The following RGL1 variants were observed in gnomAD, a reference collection of about 807,000 sequenced individuals.
The protein encoded by RGL1 is ral guanine nucleotide dissociation stimulator-like 1.
Under a neutral mutation model 95.2 loss-of-function variants are expected in RGL1, and 24 were observed. The ratio of observed to expected loss-of-function variants is 0.25; its 90% confidence interval spans 0.18 to 0.35. The LOEUF (loss-of-function observed/expected upper bound fraction) is 0.35. RGL1 is among the 10% of genes least tolerant of loss of function. The pLI, the probability that RGL1 is intolerant of heterozygous loss-of-function variation, is 1.00. For missense variants in RGL1, 715 were observed against 936.3 expected, an observed-to-expected ratio of 0.76 and a Z score of 3.08; for synonymous variants, 329 against 344.9, an observed-to-expected ratio of 0.95 and a Z score of 0.51.
intron 2 of RGL1, among the ~76,000 whole-genome samples, chr1:183,757,845 T>C (rs1306230069): frequency 6.6e-6 from 1 of 152,230 alleles, no homozygotes; most frequent in African/African-American, 2.4e-5. Context: ...AATTCATTTG[T>C]CTCTCATTTG....
chr1:183,871,136 C>T (rs1052514319), intron 4 of RGL1, among the ~76,000 whole-genome samples: 2 of 152,222 alleles, frequency 1.3e-5, no homozygotes, highest in African/African-American at 4.8e-5. Flanking sequence ...GAGATATGGT[C>T]CACACAGCAT....
intron 2 of RGL1, chr1:183,754,954 A>T (rs1658240375): frequency 6.6e-6 from 1 of 152,080 alleles, no homozygotes; most frequent in Non-Finnish European, 1.5e-5. Flanking sequence ...CCAGCCTGTC[A>T]TGTATTAAAA....
chr1:183,827,561 G>A (rs1027692927), intron 2 of RGL1, among the ~76,000 whole-genome samples: 3 of 152,152 alleles, frequency 2.0e-5, no homozygotes, highest in Admixed American at 6.5e-5. Flanking sequence ...GATGCCTGTC[G>A]AATTGCATAA....
At chr1:183,656,206 C>A (rs899304690) in intron 1 of RGL1, among the ~76,000 whole-genome samples, 3 of 151,374 alleles carry the variant, frequency 2.0e-5, no homozygotes, top group Non-Finnish European at 4.4e-5. Context: ...AATCCATGTT[C>A]CCACCTTAAA....
intron 1 of RGL1, among the ~76,000 whole-genome samples, chr1:183,697,606 G>C (rs991015765): frequency 1.6e-4 from 25 of 152,158 alleles, no homozygotes; most frequent in South Asian, 6.2e-4. Flanking sequence ...TTAAATGCAC[G>C]TTGTAACATC....
intron 2 of RGL1, among the ~76,000 whole-genome samples, chr1:183,836,284 C>G (rs1375398227): frequency 6.6e-6 from 1 of 151,586 alleles, no homozygotes; most frequent in African/African-American, 2.4e-5. Context: ...GAGTTTTGCT[C>G]TTGTTGCCCA....
intron 3 of RGL1, among the ~76,000 whole-genome samples, chr1:183,853,695 G>A (rs1457496089): frequency 6.6e-6 from 1 of 152,182 alleles, no homozygotes; most frequent in Non-Finnish European, 1.5e-5. Context: ...TATGTTTACA[G>A]ATTAGAAAAT....
intron 16 of RGL1, 109 bp downstream of exon 16, chr1:183,916,810 A>T: frequency 7.9e-7 from 1 of 1,262,422 alleles, no homozygotes; most frequent in Non-Finnish European, 1.1e-6. Flanking sequence ...ATATTAGCAT[A>T]TACATATATG....
At chr1:183,655,245 A>G (rs1483598168) in intron 1 of RGL1, among the ~76,000 whole-genome samples, 1 of 152,238 alleles carries the variant, frequency 6.6e-6, no homozygotes, top group African/African-American at 2.4e-5. Context: ...CTATGTTCTG[A>G]CAACCCAGTT....
intron 4 of RGL1, among the ~76,000 whole-genome samples, chr1:183,870,611 C>T (rs1666125830): frequency 6.6e-6 from 1 of 152,152 alleles, no homozygotes; most frequent in South Asian, 2.1e-4. Context: ...AGTTACTCAT[C>T]CCTTCAAGCT....
chr1:183,920,921 C>T (rs891727800), intron 16 of RGL1, among the ~76,000 whole-genome samples: 4 of 152,156 alleles, frequency 2.6e-5, no homozygotes, highest in Non-Finnish European at 5.9e-5. Context: ...CATCCTCAGG[C>T]ACACAATGGC....
chr1:183,664,563 A>C (rs539006449), intron 1 of RGL1, among the ~76,000 whole-genome samples: 7 of 135,836 alleles, frequency 5.2e-5, no homozygotes, highest in East Asian at 5.2e-4. Context: ...CTCTAACTCC[A>C]GAGGGCATAC....
chr1:183,818,063 T>C (rs1050207361), intron 2 of RGL1, among the ~76,000 whole-genome samples: 1 of 152,180 alleles, frequency 6.6e-6, no homozygotes, highest in Non-Finnish European at 1.5e-5. Flanking sequence ...AATCCACAAA[T>C]GAGTGTCTGC....
At chr1:183,784,762 A>C (rs1269725692) in intron 2 of RGL1, among the ~76,000 whole-genome samples, 2 of 152,118 alleles carry the variant, frequency 1.3e-5, no homozygotes, top group African/African-American at 4.8e-5. Flanking sequence ...AAACAGAGGA[A>C]TATCTTAATT....
At chr1:183,722,452 T>C (rs1656063746) in intron 1 of RGL1, among the ~76,000 whole-genome samples, 1 of 152,076 alleles carries the variant, frequency 6.6e-6, no homozygotes, top group Non-Finnish European at 1.5e-5. Context: ...TCATATTTTA[T>C]GAAAGGTATA....
chr1:183,882,529 A>G (rs1456092242), intron 5 of RGL1, among the ~76,000 whole-genome samples: 3 of 152,200 alleles, frequency 2.0e-5, no homozygotes, highest in African/African-American at 7.2e-5. Context: ...AACATCCTCC[A>G]TGTCATGGGG....
intron 1 of RGL1, among the ~76,000 whole-genome samples, chr1:183,657,468 G>A (rs972081210): frequency 6.6e-5 from 10 of 152,228 alleles, no homozygotes; most frequent in African/African-American, 2.4e-4. Context: ...AGTCCCCAGT[G>A]TGTGATGTTC....
At chr1:183,815,131 A>T (rs1661998041) in intron 2 of RGL1, among the ~76,000 whole-genome samples, 1 of 152,134 alleles carries the variant, frequency 6.6e-6, no homozygotes, top group Non-Finnish European at 1.5e-5. Context: ...AAAGTTAGCC[A>T]GGCATGGTGG....
At chr1:183,705,273 T>G (rs1654836477) in intron 1 of RGL1, among the ~76,000 whole-genome samples, 1 of 152,064 alleles carries the variant, frequency 6.6e-6, no homozygotes, top group Non-Finnish European at 1.5e-5. Context: ...CCATCGGTTG[T>G]GAGCCCTCGG....
Sources: allele counts gnomAD v4.1 joint callset (sites outside exome capture counted in the v4.1 genomes callset), GRCh38; gene constraint gnomAD v4.1.1; transcripts MANE v1.5; gene names NCBI Gene and HGNC (gene_info 2026-07-23, HGNC 2026-07-21).